Variants in KSR2 observed in about 807,000 individuals in gnomAD.
KSR2 encodes the protein kinase suppressor of ras 2.
Under a neutral mutation model 107.8 loss-of-function variants are expected in KSR2, and 25 were observed. The ratio of observed to expected loss-of-function variants is 0.23; its 90% confidence interval spans 0.17 to 0.32. The LOEUF (loss-of-function observed/expected upper bound fraction) is 0.32. KSR2 is among the 10% of genes least tolerant of loss of function. The pLI is 1.00. For missense variants in KSR2, 887 were observed against 1,268.9 expected (o/e 0.70, Z 4.57); for synonymous variants, 480 against 507.0 (o/e 0.95, Z 0.71).
chr12:117,930,602 G>A (rs1186205865), intron 1 of KSR2, among the ~76,000 whole-genome samples: 4 of 152,126 alleles, frequency 2.6e-5, no homozygotes, highest in Non-Finnish European at 5.9e-5. Flanking sequence ...AATTCTCGCT[G>A]TAGTTATGAG....
chr12:117,516,734 T>C (rs950384287), intron 14 of KSR2, among the ~76,000 whole-genome samples: 7 of 152,084 alleles, frequency 4.6e-5, no homozygotes, highest in African/African-American at 1.4e-4. Flanking sequence ...TAGACCCAAA[T>C]GCCAAAGGGG....
rs533569688 is a variant in KSR2 at position 117,453,901 on chromosome 12, G to C, written c.*13298C>G. The C allele has an allele frequency of 1.3e-5, 2 of 152,206 alleles. No individual in the cohort carries two copies. Among genetic ancestry groups the C allele is most frequent in the South Asian group, 4.2e-4 (2 of 4,808 alleles). 9.4% of individuals were successfully genotyped at this position (152,206 alleles called of 1,614,324 possible). ...GTTTCTATGAGGGCCTTGGTGGGGTGGGGGCTGGTCTTGCCAGAGACTCTC... is the reference window on the plus strand; with the variant it reads ...GTTTCTATGAGGGCCTTGGTGGGGTCGGGGCTGGTCTTGCCAGAGACTCTC... On this transcript the variant is annotated 3_prime_UTR_variant, in exon 20 of 20. Transcript: ENST00000339824.
rs142594073 is a variant in KSR2 at position 117,814,039 on chromosome 12, T to G, written c.472+41389A>C. 4.4e-3 allele frequency among the ~76,000 whole-genome samples: 673 copies of G among 152,316 alleles called. 9 individuals carry two copies. Among genetic ancestry groups the G allele is most frequent in the African/African-American group, 0.016 (656 of 41,574 alleles). On this transcript the variant is annotated intron_variant, in intron 3 of 19. Transcript: ENST00000339824. ...AGCTAAGAACAAACACTACATGTTC[T>G]CACTTATAGGTGGAAGCAAAATAGT...
intron 3 of KSR2, among the ~76,000 whole-genome samples, chr12:117,777,138 AT>A (rs1454023442): frequency 2.9e-5 from 4 of 138,422 alleles, no homozygotes; most frequent in African/African-American, 8.4e-5. Flanking sequence ...TATACACTAT[AT>A]TATATATATA....
chr12:117,941,149 A>G (rs1212430828), intron 1 of KSR2, among the ~76,000 whole-genome samples: 3 of 152,074 alleles, frequency 2.0e-5, no homozygotes. Context: ...GAAATACTTG[A>G]CAATGCTAGG....
At chr12:117,800,182 G>A (rs1890778108) in intron 3 of KSR2, among the ~76,000 whole-genome samples, 1 of 152,192 alleles carries the variant, frequency 6.6e-6, no homozygotes, top group Non-Finnish European at 1.5e-5. Context: ...AGGGCCAGGA[G>A]GAAGAAGGGC....
At chr12:117,747,458 A>G (rs1888451974) in intron 4 of KSR2, among the ~76,000 whole-genome samples, 1 of 152,022 alleles carries the variant, frequency 6.6e-6, no homozygotes, top group South Asian at 2.1e-4. Context: ...GGGGAGGGAG[A>G]GCATTAGGAC....
chr12:117,630,785 T>C lies in KSR2; in HGVS notation c.1171+36689A>G, dbSNP rs145144705. ...GCAGTCATTGAATGGATGAAAGAGA[T>C]TGGGACCAATGAGTGGTACCAATGA... On this transcript the variant is annotated intron_variant, in intron 5 of 19. Coordinates refer to ENST00000339824, the MANE Select transcript of KSR2 (RefSeq NM_173598.6). 7.8e-4 allele frequency among the ~76,000 whole-genome samples: 118 copies of C among 151,706 alleles called. 1 individual carries two copies. Among genetic ancestry groups the C allele is most frequent in the African/African-American group, 2.7e-3 (112 of 41,334 alleles).
chr12:117,862,675 G>A (rs541820500), intron 1 of KSR2, among the ~76,000 whole-genome samples: 38 of 151,790 alleles, frequency 2.5e-4, no homozygotes, highest in Middle Eastern at 6.9e-3. Flanking sequence ...TTGGAGCCTG[G>A]GATGGTTGTC....
chr12:117,966,094 T>C (rs916847435), intron 1 of KSR2, among the ~76,000 whole-genome samples: 1 of 152,202 alleles, frequency 6.6e-6, no homozygotes, highest in Non-Finnish European at 1.5e-5. Context: ...ATAGCCATCC[T>C]ACCAGTGCCT....
chr12:117,753,026 A>G (rs1304929708), intron 4 of KSR2, among the ~76,000 whole-genome samples: 2 of 152,236 alleles, frequency 1.3e-5, no homozygotes, highest in African/African-American at 4.8e-5. Flanking sequence ...ACTATAAGGA[A>G]TCAGTGCCTG....
At chr12:117,674,543 A>G (rs1885045720) in intron 4 of KSR2, among the ~76,000 whole-genome samples, 1 of 152,062 alleles carries the variant, frequency 6.6e-6, no homozygotes, top group Non-Finnish European at 1.5e-5. Context: ...ACCACCAATC[A>G]GCTTTCTCGC....
At chr12:117,733,476 T>C (rs1343798508) in intron 4 of KSR2, among the ~76,000 whole-genome samples, 1 of 152,176 alleles carries the variant, frequency 6.6e-6, no homozygotes, top group East Asian at 1.9e-4. Context: ...CACTACCTGT[T>C]TTTGTAAATA....
intron 3 of KSR2, among the ~76,000 whole-genome samples, chr12:117,828,649 G>A (rs936285692): frequency 6.6e-6 from 1 of 152,202 alleles, no homozygotes; most frequent in African/African-American, 2.4e-5. Flanking sequence ...AGTTACAAGG[G>A]TGGACAGCAC....
chr12:117,950,764 T>A (rs1896340458), intron 1 of KSR2, among the ~76,000 whole-genome samples: 1 of 147,588 alleles, frequency 6.8e-6, no homozygotes, highest in African/African-American at 2.5e-5. Flanking sequence ...ATAATAATAA[T>A]AATAATGATA....
chr12:117,741,203 G>T (rs1490853490), intron 4 of KSR2, among the ~76,000 whole-genome samples: 1 of 152,070 alleles, frequency 6.6e-6, no homozygotes, highest in Non-Finnish European at 1.5e-5. Context: ...AATGAAATAA[G>T]AATCTATGAG....
At chr12:117,705,601 T>C (rs1257783764) in intron 4 of KSR2, among the ~76,000 whole-genome samples, 2 of 152,194 alleles carry the variant, frequency 1.3e-5, no homozygotes, top group Non-Finnish European at 2.9e-5. Flanking sequence ...GAATGTGCCT[T>C]GCACTGCCTG....
chr12:117,714,378 C>G (rs1370613832), intron 4 of KSR2, among the ~76,000 whole-genome samples: 5 of 152,042 alleles, frequency 3.3e-5, no homozygotes, highest in African/African-American at 1.2e-4. Flanking sequence ...AAGATTGCAC[C>G]TGTTTGCCCC....
intron 3 of KSR2, among the ~76,000 whole-genome samples, chr12:117,785,641 C>A (rs1890044377): frequency 6.6e-6 from 1 of 151,794 alleles, no homozygotes; most frequent in South Asian, 2.1e-4. Context: ...ATACACTATC[C>A]AAAATTCATT....
Sources: gnomAD v4.1 joint callset for allele counts (sites outside exome capture counted in the v4.1 genomes callset) on GRCh38, gnomAD v4.1.1 for gene constraint, MANE v1.5 for transcripts, NCBI Gene and HGNC (gene_info 2026-07-23, HGNC 2026-07-21) for gene names.